The following WNT5B variants were observed in gnomAD, a reference collection of about 807,000 sequenced individuals.
WNT5B encodes the protein Wnt family member 5B, also known as protein Wnt-5b.
WNT5B carries 18 observed loss-of-function variants against 36.5 expected under a neutral mutation model. The observed-to-expected ratio is 0.49, with a 90% CI of 0.34 to 0.73. The LOEUF (loss-of-function observed/expected upper bound fraction) is 0.73, where lower values mean the gene tolerates loss of function less well. Among genes scored for constraint, WNT5B ranks in the 30% least tolerant of loss-of-function variants. The probability of loss-of-function intolerance (pLI) is 0.01; values close to 1 mark genes in which losing one functional copy is unlikely to be tolerated. For synonymous variants in WNT5B, 213 were observed against 212.3 expected, an observed-to-expected ratio of 1.00 and a Z score of -0.03; for missense variants, 424 against 508.4, an observed-to-expected ratio of 0.83 and a Z score of 1.60.
chr12:1,627,390 TC>T (rs2094542718), upstream of WNT5B, among the ~76,000 whole-genome samples: 1 of 152,132 alleles, frequency 6.6e-6, no homozygotes, highest in Non-Finnish European at 1.5e-5. The surrounding 1 kb of genome is among the most constrained non-coding windows in gnomAD (Gnocchi z 5.0). Context: ...GTTCTAGATA[TC>T]AGTGGGTTTG....
At chr12:1,639,660 T>C (rs1445089223) in intron 3 of WNT5B, 24 bp from the exon 4 acceptor site, 2 of 1,486,872 alleles carry the variant, frequency 1.3e-6, no homozygotes, top group Non-Finnish European at 8.9e-7. Flanking sequence ...CGCACCCGCT[T>C]ACCGCCCTGG....
upstream of WNT5B, among the ~76,000 whole-genome samples, chr12:1,625,978 TC>T (rs1485862873): frequency 7.7e-6 from 1 of 130,648 alleles, no homozygotes; most frequent in Admixed American, 7.8e-5. Flanking sequence ...TTTTTCTCTC[TC>T]TTTTTTTTTT....
At chr12:1,620,192 C>T (rs998169485) in intron 1 of WNT5B, among the ~76,000 whole-genome samples, 9 of 152,188 alleles carry the variant, frequency 5.9e-5, no homozygotes, top group East Asian at 3.8e-4. Context: ...GGAACTTCCT[C>T]GAGCCCCTTC....
At chr12:1,638,349 T>C (rs1447373155) in intron 3 of WNT5B, among the ~76,000 whole-genome samples, 2 of 152,224 alleles carry the variant, frequency 1.3e-5, no homozygotes, top group Non-Finnish European at 2.9e-5. Flanking sequence ...AGGAGTGGAA[T>C]TGCTGTGTCA....
upstream of WNT5B, chr12:1,629,049 A>T (rs58222030): frequency 0.19 from 24,301 of 127,354 alleles, 2,262 homozygotes; most frequent in African/African-American, 0.31. Context: ...GGCAATTTTT[A>T]AAAAAAAAAA....
In WNT5B at chr12:1,639,851, G is replaced by A. The variant is rs779695723; in HGVS notation, c.496G>A (p.Glu166Lys). The change falls in exon 4 of 5, where the codon GAG (glutamate) becomes AAG (lysine). Residue 166 changes from glutamate (E) to lysine (K), a missense_variant. Glu to Lys is a moderately conservative substitution (Grantham distance 56). Coordinates refer to ENST00000397196, the MANE Select transcript of WNT5B (RefSeq NM_032642.3). ...WLWGGCGDNV[E>K]YGYRFAKEFV... ...GTGGGGCGGCTGTGGGGACAACGTG[G>A]AGTACGGCTACCGCTTCGCCAAGGA... The A allele has an allele frequency of 5.6e-6, 9 of 1,613,898 alleles. No homozygotes were observed. The highest frequency in any genetic ancestry group is 3.3e-4 in the Middle Eastern group (2 of 6,082).
In WNT5B at chr12:1,623,187, G is replaced by GT. The variant is rs771500550; in HGVS notation, c.-58+6070dup. 7.9e-3 allele frequency among the ~76,000 whole-genome samples: 459 copies of GT among 58,364 alleles called. 74 individuals carry two copies. Among genetic ancestry groups the GT allele is most frequent in the East Asian group, 0.014 (28 of 1,990 alleles). The allele number at this position is 58,364 out of a possible 152,430, so 38.3% of individuals were successfully genotyped here. A position where few individuals can be genotyped will look rare whatever the true frequency, so the allele number is the denominator to read the frequency against. On this transcript the variant is annotated intron_variant, in intron 1 of 4. Coordinates refer to the WNT5B transcript ENST00000310594. ...GGAAACCTTTGAAGGGTTTTTTGTT[G>GT]TTTTTTTTTTTTTTTTTTTTTTTTT...
At position 1,645,959 on chromosome 12, in the gene WNT5B, C is replaced by G; in HGVS notation, c.787C>G (p.Leu263Val). 1 of 1,610,516 alleles carries G rather than the reference C, an allele frequency of 6.2e-7. No homozygotes were observed. The highest frequency in any genetic ancestry group is 8.5e-7 in the Non-Finnish European group (1 of 1,179,818). The change falls in exon 5 of 5, where the codon CTG (leucine) becomes GTG (valine). Residue 263 changes from leucine to valine, a missense_variant. Physicochemically the swap from Leu to Val is conservative, Grantham distance 32 (BLOSUM62 1). Transcript: ENST00000397196. ...AAMRVTRKGR[L>V]ELVNSRFTQP... ...CATGCGCGTCACCCGCAAGGGCCGG[C>G]TGGAGCTGGTCAACAGCCGCTTCAC... is the stretch of plus-strand genomic sequence containing the variant.
intron 4 of WNT5B, among the ~76,000 whole-genome samples, chr12:1,641,424 G>T (rs1334104835): frequency 6.6e-6 from 1 of 150,844 alleles, no homozygotes; most frequent in African/African-American, 2.4e-5. Context: ...TTTCTTAGAA[G>T]TTTAACGGTG....
At chr12:1,625,235 T>C (rs1158722611), upstream of WNT5B, among the ~76,000 whole-genome samples, 1 of 152,168 alleles carries the variant, frequency 6.6e-6, no homozygotes, top group African/African-American at 2.4e-5. Flanking sequence ...GTAAAATTAG[T>C]ATTTTAGGGA....
intron 3 of WNT5B, 80 bp from the exon 4 acceptor site, chr12:1,639,604 C>CCGT: frequency 7.1e-7 from 1 of 1,412,072 alleles, no homozygotes; most frequent in Non-Finnish European, 9.2e-7. Flanking sequence ...GCGTGCGGGT[C>CCGT]CGTCGGGGGA....
At chr12:1,622,594 C>G (rs1428097467) in intron 1 of WNT5B, among the ~76,000 whole-genome samples, 1 of 152,190 alleles carries the variant, frequency 6.6e-6, no homozygotes, top group African/African-American at 2.4e-5. Context: ...GTCGAAGGGA[C>G]TCTCCTTGTC....
chr12:1,643,435 G>A (rs1004950851), intron 4 of WNT5B, among the ~76,000 whole-genome samples: 31 of 151,906 alleles, frequency 2.0e-4, no homozygotes, highest in Non-Finnish European at 2.4e-4. Flanking sequence ...CGCGATCTCG[G>A]CTCACTGCAA....
rs12825901 is a variant in WNT5B at position 1,643,428 on chromosome 12, G to A, written c.622-2366G>A. Among the ~76,000 whole-genome samples, 544 of 152,024 alleles carry A rather than the reference G, an allele frequency of 3.6e-3. 2 individuals carry two copies. Among genetic ancestry groups the A allele is most frequent in the Non-Finnish European group, 5.1e-3 (346 of 68,022 alleles). ...TGCCCAGGCTGGAGTGCAATGGCGC[G>A]ATCTCGGCTCACTGCAAACCTCTGC... On this transcript the variant is annotated intron_variant, in intron 4 of 4. Coordinates refer to ENST00000397196, the MANE Select transcript of WNT5B (RefSeq NM_032642.3).
intron 3 of WNT5B, among the ~76,000 whole-genome samples, chr12:1,639,250 G>A (rs2094568468): frequency 6.6e-6 from 1 of 150,988 alleles, no homozygotes; most frequent in East Asian, 2.0e-4. Context: ...CCATTCTCCT[G>A]CCTCAGCCTC....
chr12:1,619,733 C>T (rs188108561), intron 1 of WNT5B, among the ~76,000 whole-genome samples: 4 of 152,194 alleles, frequency 2.6e-5, no homozygotes, highest in South Asian at 2.1e-4. Context: ...AATGCTGAGT[C>T]GGCTCCTGGC....
upstream of WNT5B, among the ~76,000 whole-genome samples, chr12:1,627,779 G>C (rs1034849659): frequency 1.3e-5 from 2 of 152,072 alleles, no homozygotes; most frequent in African/African-American, 4.8e-5. The surrounding 1 kb of genome is among the most constrained non-coding windows in gnomAD (Gnocchi z 5.0). Context: ...CAGTGGTTTT[G>C]GGGGCACAGA....
chr12:1,619,056 C>T (rs887450901), intron 1 of WNT5B, among the ~76,000 whole-genome samples: 2 of 152,078 alleles, frequency 1.3e-5, no homozygotes, highest in African/African-American at 2.4e-5. Flanking sequence ...GGTAGTTTAG[C>T]ATTTTTCTTA....
Position 1,639,995 on chromosome 12 carries a change from G to A in WNT5B, c.621+19G>A. ...TCGCAGGGTAAGCTGGGCCTCCCCG[G>A]CCTCCCCAGCACTGCAGACCTAGGG... On this transcript the variant is annotated intron_variant, in intron 4 of 4. Coordinates refer to ENST00000397196, the MANE Select transcript of WNT5B (RefSeq NM_032642.3). 1 of 1,599,548 alleles carries A rather than the reference G, an allele frequency of 6.3e-7. No homozygotes were observed. The highest frequency in any genetic ancestry group is 8.5e-7 in the Non-Finnish European group (1 of 1,173,862).
Sources: allele counts gnomAD v4.1 joint callset (sites outside exome capture counted in the v4.1 genomes callset), GRCh38; gene constraint gnomAD v4.1.1; non-coding constraint Gnocchi (gnomAD v3.1); transcripts MANE v1.5; gene names NCBI Gene and HGNC (gene_info 2026-07-23, HGNC 2026-07-21).